HHIPL1: variants seen among roughly 807,000 people sequenced by gnomAD.
HHIPL1 encodes the protein HHIP-like protein 1.
HHIPL1 carries 43 observed loss-of-function variants against 61.8 expected under a neutral mutation model. The ratio of observed to expected loss-of-function variants is 0.70; its 90% confidence interval spans 0.55 to 0.90. The LOEUF (loss-of-function observed/expected upper bound fraction) is 0.90, where lower values mean the gene tolerates loss of function less well. HHIPL1 is among the 40% of genes least tolerant of loss of function. The probability of loss-of-function intolerance (pLI) is 0.00; values close to 1 mark genes in which losing one functional copy is unlikely to be tolerated. For missense variants in HHIPL1, 1,056 were observed against 1,157.7 expected (o/e 0.91, Z 1.28); for synonymous variants, 482 against 515.8 (o/e 0.93, Z 0.89).
Position 99,659,025 on chromosome 14 carries a change from T to C in HHIPL1, c.1047-403T>C, listed in dbSNP as rs949524294. Among the ~76,000 whole-genome samples, 5 of 152,184 alleles carry C rather than the reference T, an allele frequency of 3.3e-5. No individual in the cohort carries two copies. In the East Asian group the frequency reaches 7.7e-4, roughly 24 times the overall value. On this transcript the variant is annotated intron_variant, in intron 3 of 8. Coordinates refer to ENST00000330710, the MANE Select transcript of HHIPL1 (RefSeq NM_001127258.3). ...GTGTGTGGTAAAGAGCTTGAGTTTCTGGGCCCAGGCTGTCTGGGCTGGATC... is the reference window on the plus strand; with the variant it reads ...GTGTGTGGTAAAGAGCTTGAGTTTCCGGGCCCAGGCTGTCTGGGCTGGATC...
At chr14:99,637,122 A>G in the HHIPL1 span, among the ~76,000 whole-genome samples, 1 of 121,894 alleles carries the variant, frequency 8.2e-6, no homozygotes. Flanking sequence ...AAAGAAAGAA[A>G]AGAAAGAGAG....
At chr14:99,637,220 GAA>G in the HHIPL1 span, among the ~76,000 whole-genome samples, 1 of 129,174 alleles carries the variant, frequency 7.7e-6, no homozygotes, top group Non-Finnish European at 1.6e-5. Flanking sequence ...AAGAAAGAAA[GAA>G]AGAAAGAAAG....
At chr14:99,625,918 A>G in the HHIPL1 span, among the ~76,000 whole-genome samples, 1 of 151,998 alleles carries the variant, frequency 6.6e-6, no homozygotes, top group Admixed American at 6.5e-5. Flanking sequence ...ACTCCCCACA[A>G]GTTGTTCTGT....
Position 99,652,238 on chromosome 14 carries a change from T to C in HHIPL1, c.270T>C (p.Tyr90=). The C allele has an allele frequency of 6.2e-7, 1 of 1,603,506 alleles. No individual in the cohort carries two copies. Among genetic ancestry groups the C allele is most frequent in the Non-Finnish European group, 8.5e-7 (1 of 1,173,362 alleles). ...TGTCTCTGCAGGAATGCTCGCCGTATGCAGCCCACCTCTATGACGCCGAGG... is the reference window on the plus strand; with the variant it reads ...TGTCTCTGCAGGAATGCTCGCCGTACGCAGCCCACCTCTATGACGCCGAGG... ...RDLLCQECSP[Y]AAHLYDAEDP... The change falls in exon 2 of 9, where the codon TAT becomes TAC. Residue 90 remains tyrosine (Y), a synonymous_variant. Transcript: ENST00000330710.
chr14:99,675,268 C>T lies in HHIPL1; in HGVS notation c.1991C>T (p.Ala664Val). 2 of 1,249,166 alleles carry T rather than the reference C, an allele frequency of 1.6e-6. No individual in the cohort carries two copies. The highest frequency in any genetic ancestry group is 2.0e-6 in the Non-Finnish European group (2 of 997,874). 77.4% of individuals were successfully genotyped at this position (1,249,166 alleles called of 1,614,324 possible). The change falls in exon 9 of 9, where the codon GCG (alanine) becomes GTG (valine). Residue 664 changes from alanine (A) to valine (V), a missense_variant. Physicochemically the swap from Ala to Val is moderately conservative, Grantham distance 64. Transcript: ENST00000330710. The surrounding 1 kb of genome is among the most constrained non-coding windows in gnomAD (Gnocchi z 5.4). ...CGGCGGCGGGGGCGGCTGAACTCGG[C>T]GAGCCGGGCGTTCCGGGATGGCGAG... Reference protein sequence around the residue: ...GGRRRGRLNSASRAFRDGEVR... With the variant: ...GGRRRGRLNSVSRAFRDGEVR...
At chr14:99,626,421 A>G in the HHIPL1 span, among the ~76,000 whole-genome samples, 1 of 152,150 alleles carries the variant, frequency 6.6e-6, no homozygotes, top group Non-Finnish European at 1.5e-5. Flanking sequence ...ACTGTGGGAA[A>G]GATGTGGAAA....
intron 3 of HHIPL1, among the ~76,000 whole-genome samples, chr14:99,658,159 G>A (rs545853565): frequency 1.5e-4 from 23 of 152,240 alleles, no homozygotes; most frequent in Admixed American, 6.5e-4. Context: ...GACAGTGTAA[G>A]CATCATCCCA....
the HHIPL1 span, among the ~76,000 whole-genome samples, chr14:99,617,478 G>A: frequency 3.9e-5 from 6 of 152,144 alleles, no homozygotes; most frequent in Admixed American, 3.9e-4. Context: ...AGACTGCAAA[G>A]CCAGAAAGAA....
At chr14:99,649,659 G>A (rs1455674251) in intron 1 of HHIPL1, among the ~76,000 whole-genome samples, 1 of 152,180 alleles carries the variant, frequency 6.6e-6, no homozygotes, top group Non-Finnish European at 1.5e-5. Flanking sequence ...GCCGGGTGTG[G>A]TAGAGCACGT....
chr14:99,661,068 G>T (rs73348558), intron 5 of HHIPL1, among the ~76,000 whole-genome samples: 8 of 152,134 alleles, frequency 5.3e-5, no homozygotes, highest in Non-Finnish European at 8.8e-5. Context: ...TTTGATGGGG[G>T]AGGGAAACCT....
At chr14:99,626,258 G>T in the HHIPL1 span, among the ~76,000 whole-genome samples, 1 of 150,950 alleles carries the variant, frequency 6.6e-6, no homozygotes, top group Non-Finnish European at 1.5e-5. Flanking sequence ...GTGTGTGTGG[G>T]TGTAGCGGGG....
chr14:99,652,600 T>TGGCCGG lies in HHIPL1; in HGVS notation c.637_638insGGGCCG (p.Ala212_Glu213insGlyAla). ...AGGGATGGCACCCACCGCTTCTTCG[T>TGGCCGG]GGCCGAGCAGGTGGGGCTGGTGTGG... On this transcript the variant is annotated inframe_insertion, in exon 2 of 9. Coordinates refer to ENST00000330710, the MANE Select transcript of HHIPL1 (RefSeq NM_001127258.3). 1 of 1,613,374 alleles carries TGGCCGG rather than the reference T, an allele frequency of 6.2e-7. No homozygotes were observed. The highest frequency in any genetic ancestry group is 1.1e-5 in the South Asian group (1 of 91,026).
the HHIPL1 span, among the ~76,000 whole-genome samples, chr14:99,614,788 A>T: frequency 1.3e-5 from 2 of 152,174 alleles, no homozygotes; most frequent in East Asian, 3.9e-4. Flanking sequence ...GCTGGAGGGG[A>T]CGAGGGTTTC....
chr14:99,606,590 C>T, the HHIPL1 span, among the ~76,000 whole-genome samples: 1 of 152,252 alleles, frequency 6.6e-6, no homozygotes, highest in Admixed American at 6.5e-5. Context: ...CCCCCTGATC[C>T]TCCAGAGCTG....
chr14:99,670,922 C>G (rs1209796203), intron 7 of HHIPL1, among the ~76,000 whole-genome samples: 1 of 152,166 alleles, frequency 6.6e-6, no homozygotes, highest in Non-Finnish European at 1.5e-5. Flanking sequence ...GTGCCTAATT[C>G]ATGCCAGATG....
chr14:99,645,972 G>A lies in HHIPL1; in HGVS notation c.255+510G>A, dbSNP rs186106736. On this transcript the variant is annotated intron_variant, in intron 1 of 8. Transcript: ENST00000330710. The stretch of plus-strand genomic sequence containing the variant: ...GTTGGGGCCACTGTCCCCCACGAGC[G>A]TCTCACCCCCATCCTGATGCCCTTG... 5.3e-5 allele frequency among the ~76,000 whole-genome samples: 8 copies of A among 152,346 alleles called. No homozygotes were observed. In the East Asian group the frequency reaches 1.2e-3, roughly 22 times the overall value.
At chr14:99,637,200 GGAAGAAAGAAAGAAAGAAAGAAAGA>G in the HHIPL1 span, among the ~76,000 whole-genome samples, 19 of 104,298 alleles carry the variant, frequency 1.8e-4, no homozygotes, top group Admixed American at 3.0e-4. Context: ...AAGAAAGAAA[GGAAGAAAGAAAGAAAGAAAGAAAGA>G]AAGAAAGAAA....
Position 99,660,493 on chromosome 14 carries a change from G to T in HHIPL1, c.1502+87G>T. 5 of 1,469,712 alleles carry T rather than the reference G, an allele frequency of 3.4e-6. No individual in the cohort carries two copies. The highest frequency in any genetic ancestry group is 3.7e-6 in the Non-Finnish European group (4 of 1,076,548). The allele number at this position is 1,469,712 out of a possible 1,614,324, so 91.0% of individuals were successfully genotyped here. ...TTGGTAAAGGGGAGTGTATGTGTGC[G>T]CCCGTTCCTGCACATGTGCCTCGCT... On this transcript the variant is annotated intron_variant, in intron 5 of 8. Transcript: ENST00000330710. The surrounding 1 kb of genome is among the most constrained non-coding windows in gnomAD (Gnocchi z 4.9).
chr14:99,625,251 C>T, the HHIPL1 span: 1 of 152,258 alleles, frequency 6.6e-6, no homozygotes, highest in Non-Finnish European at 1.5e-5. Flanking sequence ...ACCTGAGCAA[C>T]CTCCTCCCAT....
Sources: allele counts gnomAD v4.1 joint callset (sites outside exome capture counted in the v4.1 genomes callset), GRCh38; gene constraint gnomAD v4.1.1; non-coding constraint Gnocchi (gnomAD v3.1); transcripts MANE v1.5; gene names NCBI Gene and HGNC (gene_info 2026-07-23, HGNC 2026-07-21).